Variants in SH3GL2 observed in about 807,000 individuals in gnomAD.
SH3GL2 encodes endophilin-A1.
Under a neutral mutation model 46.0 loss-of-function variants are expected in SH3GL2, and 24 were observed. The observed-to-expected ratio is 0.52, with a 90% CI of 0.38 to 0.73. The LOEUF (loss-of-function observed/expected upper bound fraction) is 0.73, where lower values mean the gene tolerates loss of function less well. Ranked by LOEUF, SH3GL2 falls within the 30% of genes least tolerant of loss-of-function variation. SH3GL2 has a pLI of 0.00. For missense variants in SH3GL2, 413 were observed against 424.2 expected (o/e 0.97, Z 0.23); for synonymous variants, 196 against 147.1 (o/e 1.33, Z -2.40).
intron 1 of SH3GL2, among the ~76,000 whole-genome samples, chr9:17,595,460 A>G (rs1259222099): frequency 1.3e-5 from 2 of 152,186 alleles, no homozygotes; most frequent in Non-Finnish European, 2.9e-5. Context: ...GTATAAGAAC[A>G]TGGATCCCCG....
chr9:17,638,261 T>A (rs1044739867), intron 1 of SH3GL2, among the ~76,000 whole-genome samples: 1 of 152,128 alleles, frequency 6.6e-6, no homozygotes, highest in Non-Finnish European at 1.5e-5. Flanking sequence ...CATTTTCAAG[T>A]CAGTATCAAA....
chr9:17,735,248 G>A (rs1166464466), intron 1 of SH3GL2, among the ~76,000 whole-genome samples: 1 of 152,038 alleles, frequency 6.6e-6, no homozygotes, highest in East Asian at 1.9e-4. Context: ...ACATTACTAA[G>A]CCTAAGCAGA....
At chr9:17,585,906 C>T (rs988726888) in intron 1 of SH3GL2, among the ~76,000 whole-genome samples, 11 of 152,124 alleles carry the variant, frequency 7.2e-5, no homozygotes, top group African/African-American at 2.7e-4. Flanking sequence ...TAGTACAACC[C>T]TTCTCAGTGT....
chr9:17,651,755 A>G (rs919833624), intron 1 of SH3GL2, among the ~76,000 whole-genome samples: 8 of 152,160 alleles, frequency 5.3e-5, no homozygotes, highest in African/African-American at 1.9e-4. Context: ...TGTTGTTTTC[A>G]TATTTCCAAT....
intron 1 of SH3GL2, among the ~76,000 whole-genome samples, chr9:17,733,447 A>G (rs904450068): frequency 1.3e-5 from 2 of 151,836 alleles, no homozygotes. Context: ...TTAGAATGGC[A>G]ATCATTAAAA....
At chr9:17,581,890 G>T (rs995394076) in intron 1 of SH3GL2, among the ~76,000 whole-genome samples, 44 of 152,188 alleles carry the variant, frequency 2.9e-4, no homozygotes, top group African/African-American at 9.9e-4. Flanking sequence ...GTAGAGACAG[G>T]GTTTAGCCAT....
intron 1 of SH3GL2, among the ~76,000 whole-genome samples, chr9:17,676,728 G>A (rs1358929271): frequency 6.6e-6 from 1 of 152,156 alleles, no homozygotes; most frequent in Admixed American, 6.5e-5. Flanking sequence ...TCACAACTCA[G>A]TTTTGCCCTC....
chr9:17,601,791 CA>C (rs1818677729), intron 1 of SH3GL2, among the ~76,000 whole-genome samples: 1 of 152,060 alleles, frequency 6.6e-6, no homozygotes, highest in African/African-American at 2.4e-5. Flanking sequence ...TGTTGTGTCC[CA>C]AAAACTTGGG....
intron 1 of SH3GL2, among the ~76,000 whole-genome samples, chr9:17,637,582 C>T (rs188637629): frequency 3.9e-5 from 6 of 152,326 alleles, no homozygotes; most frequent in Admixed American, 2.0e-4. Context: ...GTGGCAACAA[C>T]ATTATCTTTG....
At chr9:17,712,429 G>T (rs1821651063) in intron 1 of SH3GL2, among the ~76,000 whole-genome samples, 1 of 151,738 alleles carries the variant, frequency 6.6e-6, no homozygotes. Context: ...TCTTTCAGAA[G>T]TTTCATAGTT....
At chr9:17,622,977 T>TTTCCTTCCCTTTCCGTTCCG (rs1563786387) in intron 1 of SH3GL2, among the ~76,000 whole-genome samples, 1 of 67,144 alleles carries the variant, frequency 1.5e-5, no homozygotes, top group African/African-American at 5.8e-5. Flanking sequence ...TTTCCTTTCG[T>TTTCCTTCCCTTTCCGTTCCG]TTCCTTTCGT....
chr9:17,615,367 C>T (rs534222746), intron 1 of SH3GL2, among the ~76,000 whole-genome samples: 2 of 151,998 alleles, frequency 1.3e-5, no homozygotes, highest in African/African-American at 4.8e-5. Flanking sequence ...TTAAAATTTC[C>T]CTTCATTGGC....
At chr9:17,717,284 T>C (rs941465538) in intron 1 of SH3GL2, among the ~76,000 whole-genome samples, 3 of 152,144 alleles carry the variant, frequency 2.0e-5, no homozygotes, top group Non-Finnish European at 4.4e-5. Context: ...GAAGAACACA[T>C]TTCGTATTTT....
chr9:17,689,516 T>C lies in SH3GL2; in HGVS notation c.46-57550T>C, dbSNP rs78432352. Among the ~76,000 whole-genome samples, 1,503 of 152,086 alleles carry C rather than the reference T, an allele frequency of 9.9e-3. 65 individuals carry two copies. In the East Asian group the frequency reaches 0.099, roughly 10 times the overall value. ...TTTAAAGCCCAGTGCAGATGACCCC[T>C]CCTTTTGAGTGTCCTCACCATAGCC... On this transcript the variant is annotated intron_variant, in intron 1 of 8. Transcript: ENST00000380607.
intron 2 of SH3GL2, among the ~76,000 whole-genome samples, chr9:17,747,595 T>G (rs1421557984): frequency 1.3e-5 from 2 of 152,186 alleles, no homozygotes; most frequent in Admixed American, 1.3e-4. Context: ...TGTCCAACCT[T>G]GGCCCAAACT....
chr9:17,680,838 C>CA (rs1381006894), intron 1 of SH3GL2, among the ~76,000 whole-genome samples: 2 of 152,032 alleles, frequency 1.3e-5, no homozygotes, highest in Non-Finnish European at 2.9e-5. Flanking sequence ...TGTCTTTGTT[C>CA]TCGTTGGTTT....
intron 1 of SH3GL2, among the ~76,000 whole-genome samples, chr9:17,603,904 T>C (rs1423681056): frequency 2.0e-5 from 3 of 152,132 alleles, no homozygotes; most frequent in Non-Finnish European, 2.9e-5. Flanking sequence ...AATAAACTTA[T>C]GCCACTGAAT....
At chr9:17,728,030 T>G (rs1195832860) in intron 1 of SH3GL2, among the ~76,000 whole-genome samples, 2 of 152,172 alleles carry the variant, frequency 1.3e-5, no homozygotes, top group Non-Finnish European at 2.9e-5. Context: ...GGGGTTTTCA[T>G]TGTATTTGTT....
intron 1 of SH3GL2, among the ~76,000 whole-genome samples, chr9:17,615,452 T>C (rs1254759321): frequency 2.0e-5 from 3 of 151,962 alleles, no homozygotes; most frequent in Non-Finnish European, 2.9e-5. Context: ...GCCGGGAGAT[T>C]GAGACTATCC....
Sources: allele counts gnomAD v4.1 joint callset (sites outside exome capture counted in the v4.1 genomes callset), GRCh38; gene constraint gnomAD v4.1.1; transcripts MANE v1.5; gene names NCBI Gene and HGNC (gene_info 2026-07-23, HGNC 2026-07-21).